The following ZNF804A variants were observed in gnomAD, a reference collection of about 807,000 sequenced individuals.
ZNF804A encodes zinc finger protein 804A.
ZNF804A carries 2 observed loss-of-function variants against 16.5 expected under a neutral mutation model. The observed-to-expected ratio is 0.12, with a 90% CI of 0.05 to 0.38. The LOEUF is 0.38. ZNF804A is among the 10% of genes least tolerant of loss of function. The pLI is 0.99. For missense variants in ZNF804A, 1,473 were observed against 1,390.7 expected (o/e 1.06, Z -0.94); for synonymous variants, 534 against 489.6 (o/e 1.09, Z -1.20).
At chr2:184,693,021 G>A (rs553926775) in intron 1 of ZNF804A, among the ~76,000 whole-genome samples, 2 of 152,204 alleles carry the variant, frequency 1.3e-5, no homozygotes, top group South Asian at 2.1e-4. Context: ...TCTTATAGGA[G>A]TAGAAACTTT....
At chr2:184,932,299 A>G (rs1685714887) in intron 2 of ZNF804A, among the ~76,000 whole-genome samples, 1 of 152,208 alleles carries the variant, frequency 6.6e-6, no homozygotes, top group Non-Finnish European at 1.5e-5. Flanking sequence ...GTAAAGACAC[A>G]TCTGAGATTG....
chr2:184,666,074 A>G (rs1692249793), intron 1 of ZNF804A, among the ~76,000 whole-genome samples: 1 of 152,138 alleles, frequency 6.6e-6, no homozygotes, highest in Admixed American at 6.6e-5. Flanking sequence ...ACAAATTGAA[A>G]ATTATGGTAA....
intron 1 of ZNF804A, among the ~76,000 whole-genome samples, chr2:184,747,782 T>C (rs1010952376): frequency 1.3e-5 from 2 of 151,232 alleles, no homozygotes; most frequent in Non-Finnish European, 3.0e-5. Flanking sequence ...ACCCAATAGG[T>C]AGTTTCTCTG....
At chr2:184,661,344 G>A (rs1292102238) in intron 1 of ZNF804A, among the ~76,000 whole-genome samples, 11 of 152,280 alleles carry the variant, frequency 7.2e-5, no homozygotes, top group Non-Finnish European at 1.3e-4. Flanking sequence ...ACAGCTCAGC[G>A]AGTGTTACAG....
intron 1 of ZNF804A, among the ~76,000 whole-genome samples, chr2:184,704,653 AT>A (rs1431104003): frequency 6.6e-6 from 1 of 152,162 alleles, no homozygotes. Flanking sequence ...GGTTAATAGA[AT>A]TTTTTGAAGA....
intron 1 of ZNF804A, 140 bp from the exon 2 acceptor site, chr2:184,866,229 T>C: frequency 1.5e-6 from 1 of 647,256 alleles, no homozygotes; most frequent in East Asian, 3.3e-5. Flanking sequence ...TCTAACTTGG[T>C]TTTCTAGTAT....
At chr2:184,826,305 T>G (rs1362474261) in intron 1 of ZNF804A, among the ~76,000 whole-genome samples, 12 of 152,108 alleles carry the variant, frequency 7.9e-5, no homozygotes, top group Admixed American at 4.6e-4. Context: ...AAATGAAACA[T>G]TATGGAATGA....
At chr2:184,746,350 C>A (rs1693789424) in intron 1 of ZNF804A, among the ~76,000 whole-genome samples, 1 of 151,322 alleles carries the variant, frequency 6.6e-6, no homozygotes, top group African/African-American at 2.4e-5. Context: ...CTACCCTTCC[C>A]AGCCTCTAAC....
intron 2 of ZNF804A, among the ~76,000 whole-genome samples, chr2:184,895,845 C>T (rs1481313535): frequency 6.6e-6 from 1 of 152,136 alleles, no homozygotes; most frequent in Non-Finnish European, 1.5e-5. Context: ...ACTTTCTCTT[C>T]ACAAAATGTA....
intron 1 of ZNF804A, among the ~76,000 whole-genome samples, chr2:184,717,199 T>G (rs913653938): frequency 6.6e-6 from 1 of 152,200 alleles, no homozygotes; most frequent in Non-Finnish European, 1.5e-5. Flanking sequence ...TTAGTTTTTG[T>G]ACGTCTCTCT....
intron 1 of ZNF804A, among the ~76,000 whole-genome samples, chr2:184,804,027 T>G (rs571794687): frequency 6.6e-6 from 1 of 152,146 alleles, no homozygotes; most frequent in South Asian, 2.1e-4. Flanking sequence ...CATGCCTGGC[T>G]AATTTTTTTT....
intron 1 of ZNF804A, among the ~76,000 whole-genome samples, chr2:184,769,572 CTA>C (rs1694181354): frequency 1.3e-5 from 2 of 151,838 alleles, no homozygotes; most frequent in Admixed American, 6.6e-5. Context: ...GGAAGGTCTG[CTA>C]TATTTAGTGT....
intron 1 of ZNF804A, among the ~76,000 whole-genome samples, chr2:184,782,385 T>G (rs190424139): frequency 2.0e-5 from 3 of 151,378 alleles, no homozygotes; most frequent in African/African-American, 7.3e-5. Context: ...TTAATCTGGG[T>G]GGGCACCATC....
intron 1 of ZNF804A, among the ~76,000 whole-genome samples, chr2:184,782,461 CA>C (rs1401405374): frequency 6.6e-6 from 1 of 151,258 alleles, no homozygotes; most frequent in Non-Finnish European, 1.5e-5. Flanking sequence ...ACAACAACAA[CA>C]AAAACATGAA....
At chr2:184,768,512 G>C (rs1391938965) in intron 1 of ZNF804A, among the ~76,000 whole-genome samples, 1 of 151,996 alleles carries the variant, frequency 6.6e-6, no homozygotes, top group South Asian at 2.1e-4. Flanking sequence ...GAGTGCATTG[G>C]AATTATCTGG....
chr2:184,845,907 A>T (rs952286208), intron 1 of ZNF804A, among the ~76,000 whole-genome samples: 4 of 151,874 alleles, frequency 2.6e-5, no homozygotes, highest in African/African-American at 4.8e-5. Context: ...CCAGTTCATG[A>T]CTCCAGCAGC....
chr2:184,859,931 C>T (rs1695770203), intron 1 of ZNF804A, among the ~76,000 whole-genome samples: 1 of 152,156 alleles, frequency 6.6e-6, no homozygotes, highest in Non-Finnish European at 1.5e-5. Flanking sequence ...GGGCCATGAG[C>T]CTGAGTCTTC....
chr2:184,735,498 G>T (rs1693592981), intron 1 of ZNF804A, among the ~76,000 whole-genome samples: 1 of 152,040 alleles, frequency 6.6e-6, no homozygotes, highest in South Asian at 2.1e-4. Flanking sequence ...TGTAGATGAT[G>T]GGTTGATGGG....
intron 2 of ZNF804A, among the ~76,000 whole-genome samples, chr2:184,889,483 T>C (rs1187814809): frequency 6.6e-6 from 1 of 151,972 alleles, no homozygotes; most frequent in African/African-American, 2.4e-5. Context: ...ATTTAATTAC[T>C]AGTATAAAAA....
Sources: gnomAD v4.1 joint callset for allele counts (sites outside exome capture counted in the v4.1 genomes callset) on GRCh38, gnomAD v4.1.1 for gene constraint, MANE v1.5 for transcripts, NCBI Gene and HGNC (gene_info 2026-07-23, HGNC 2026-07-21) for gene names.